SRCAP: variants seen among roughly 807,000 people sequenced by gnomAD.
The protein encoded by SRCAP is chromatin remodeling protein SRCAP.
A neutral mutation model predicts 263.1 loss-of-function variants in SRCAP; 46 were observed. That is an observed-to-expected ratio of 0.17 (90% CI 0.14 to 0.22). The LOEUF is 0.22. Among genes scored for constraint, SRCAP ranks in the 10% least tolerant of loss-of-function variants. SRCAP has a pLI of 1.00. For synonymous variants in SRCAP, 1,813 were observed against 1,662.1 expected (o/e 1.09, Z -2.21); for missense variants, 3,695 against 4,181.9 (o/e 0.88, Z 3.21).
In SRCAP at chr16:30,710,110, G is replaced by C. The variant is rs201361291; in HGVS notation, c.1116G>C (p.Glu372Asp). The C allele has an allele frequency of 1.2e-6, 2 of 1,613,854 alleles. No homozygotes were observed. Among genetic ancestry groups the C allele is most frequent in the Non-Finnish European group, 1.7e-6 (2 of 1,179,834 alleles). ...GGCCTGAAGAAGGTGCTGAAGAAGA[G>C]CCCCCTCAGGTGTTGGAGGTATAGG... ...RDGPEEGAEE[E>D]PPQVLEIKPP... Residue 372 changes from glutamate to aspartate, a missense_variant, in exon 8 of 34, where the codon GAG becomes GAC. Coordinates refer to ENST00000262518, the MANE Select transcript of SRCAP (RefSeq NM_006662.3).
At position 30,720,928 on chromosome 16, in the gene SRCAP, G is replaced by A; in HGVS notation, c.3203G>A (p.Gly1068Asp). The change falls in exon 20 of 34, where the codon GGC becomes GAC. Residue 1068 changes from glycine to aspartate, a missense_variant. Gly to Asp is a moderately conservative substitution (Grantham distance 94). Coordinates refer to ENST00000262518, the MANE Select transcript of SRCAP (RefSeq NM_006662.3). ...CTTATTCCTGCATCTCGGCCTCCTG[G>A]CCCTGTCCTCTTGCCTCCACTGCAG... The part of the protein sequence containing the change: ...PPLIPASRPP[G>D]PVLLPPLQPN... 2 of 1,613,784 alleles carry A rather than the reference G, an allele frequency of 1.2e-6. No homozygotes were observed. The highest frequency in any genetic ancestry group is 1.7e-6 in the Non-Finnish European group (2 of 1,179,812).
chr16:30,720,115 A>T lies in SRCAP; in HGVS notation c.2818-47A>T, dbSNP rs199849626. The T allele has an allele frequency of 8.1e-5, 127 of 1,577,370 alleles. No individual in the cohort carries two copies. In the African/African-American group the frequency reaches 1.7e-3, roughly 21 times the overall value. ...TCCAGCTACATCTGCGTTGCAAAGGATGTGATTTTGTTCTTCTTTATGACT... is the reference window on the plus strand; with the variant it reads ...TCCAGCTACATCTGCGTTGCAAAGGTTGTGATTTTGTTCTTCTTTATGACT... On this transcript the variant is annotated intron_variant, in intron 18 of 33. Transcript: ENST00000262518.
At chr16:30,721,932 T>C (rs1047751462) in intron 21 of SRCAP, among the ~76,000 whole-genome samples, 190 bp from the exon 22 acceptor site, 3 of 151,974 alleles carry the variant, frequency 2.0e-5, no homozygotes, top group African/African-American at 7.3e-5. Flanking sequence ...GCAAATGGGA[T>C]TGGAAGGAGT....
chr16:30,707,444 A>G, intron 5 of SRCAP, 76 bp downstream of exon 5: 1 of 1,603,578 alleles, frequency 6.2e-7, no homozygotes, highest in Non-Finnish European at 8.5e-7. Flanking sequence ...AGGGGACCAG[A>G]CAGAATGGTG....
chr16:30,722,773 A>G (rs779060153), intron 23 of SRCAP, 25 bp downstream of exon 23: 2 of 1,594,504 alleles, frequency 1.3e-6, no homozygotes, highest in Non-Finnish European at 1.7e-6. Context: ...CTTCCTACTT[A>G]GCCCTTGCTG....
rs1294754839 is a variant in SRCAP, at chr16:30,739,700, T to C, written c.9660T>C (p.Ala3220=). 1.3e-6 allele frequency: 2 copies of C among 1,517,044 alleles called. No individual in the cohort carries two copies. Among genetic ancestry groups the C allele is most frequent in the Non-Finnish European group, 1.8e-6 (2 of 1,134,042 alleles). 94.0% of individuals were successfully genotyped at this position (1,517,044 alleles called of 1,614,324 possible). A position where few individuals can be genotyped will look rare whatever the true frequency, so the allele number is the denominator to read the frequency against. The change falls in exon 34 of 34, where the codon GCT becomes GCC. Residue 3220 remains alanine (A), a synonymous_variant. Coordinates refer to ENST00000262518, the MANE Select transcript of SRCAP (RefSeq NM_006662.3). The part of the protein sequence containing the change: ...SSAPPSLAGP[A]VSHRGRKAKT ...CCCCTCCCTCCCTGGCTGGCCCTGC[T>C]GTTAGTCACAGAGGCCGCAAGGCCA...
chr16:30,717,732 C>T (rs984625258), intron 18 of SRCAP, among the ~76,000 whole-genome samples: 5 of 150,526 alleles, frequency 3.3e-5, no homozygotes, highest in Admixed American at 2.7e-4. Context: ...CCACAGCCTC[C>T]CGAGTAGCTG....
In SRCAP at chr16:30,720,167, A is replaced by G; in HGVS notation, c.2823A>G (p.Ile941Met). ...TGCTTTCTTTCTTGTGGCAGCGGAT[A>G]GACATGGGTCGATTTGACCTTATTG... ...RATDVHPLQRIDMGRFDLIGL... is the reference protein window; with the variant it reads ...RATDVHPLQRMDMGRFDLIGL... Residue 941 changes from isoleucine (I) to methionine (M), a missense_variant, in exon 19 of 34, where the codon ATA becomes ATG. Physicochemically the swap from Ile to Met is conservative, Grantham distance 10. Coordinates refer to ENST00000262518, the MANE Select transcript of SRCAP (RefSeq NM_006662.3). The G allele has an allele frequency of 3.1e-6, 5 of 1,604,134 alleles. No homozygotes were observed. In the Middle Eastern group the frequency reaches 5.0e-4, roughly 160 times the overall value.
rs763689685 is a variant in SRCAP, at chr16:30,722,664, A to G, written c.3808A>G (p.Thr1270Ala). ...IQAVAPTPGP[T>A]PVSVLPSSTP... ...GGCCGTGGCCCCGACCCCTGGCCCT[A>G]CCCCTGTCTCTGTGCTGCCTTCTTC... The change falls in exon 23 of 34, where the codon ACC becomes GCC. Residue 1270 changes from threonine (T) to alanine (A), a missense_variant. Physicochemically the swap from Thr to Ala is moderately conservative, Grantham distance 58. Coordinates refer to ENST00000262518, the MANE Select transcript of SRCAP (RefSeq NM_006662.3). The G allele has an allele frequency of 3.7e-6, 6 of 1,612,558 alleles. No homozygotes were observed. The highest frequency in any genetic ancestry group is 5.1e-6 in the Non-Finnish European group (6 of 1,179,684).
At position 30,739,009 on chromosome 16, in the gene SRCAP, C is replaced by G. The variant is rs1016777986; in HGVS notation, c.8969C>G (p.Ala2990Gly). The G allele has an allele frequency of 6.2e-7, 1 of 1,614,164 alleles. No homozygotes were observed. The highest frequency in any genetic ancestry group is 8.5e-7 in the Non-Finnish European group (1 of 1,180,000). The change falls in exon 34 of 34, where the codon GCC becomes GGC. Residue 2990 changes from alanine to glycine, a missense_variant. Ala to Gly is a moderately conservative substitution (Grantham distance 60, BLOSUM62 0). Transcript: ENST00000262518. ...CTAGTTTGTCCCACTGCTACTGTTG[C>G]CAACACTGTCACCACTGTCACCATT... ...PLLVCPTATV[A>G]NTVTTVTIST...
At position 30,739,767 on chromosome 16, in the gene SRCAP, G is replaced by C; in HGVS notation, c.*34G>C. The C allele has an allele frequency of 6.9e-7, 1 of 1,451,396 alleles. No individual in the cohort carries two copies. The highest frequency in any genetic ancestry group is 9.1e-7 in the Non-Finnish European group (1 of 1,100,210). The allele number at this position is 1,451,396 out of a possible 1,614,324, so 89.9% of individuals were successfully genotyped here. On this transcript the variant is annotated 3_prime_UTR_variant, in exon 34 of 34. Transcript: ENST00000262518. ...CCCCTCCACCTAGGCTTTCCACCGTGGCCACTCCCTCCATGACCAGGCCTG... is the reference window on the plus strand; with the variant it reads ...CCCCTCCACCTAGGCTTTCCACCGTCGCCACTCCCTCCATGACCAGGCCTG...
In SRCAP at chr16:30,724,571, T is replaced by G; in HGVS notation, c.5147T>G (p.Leu1716Trp). Residue 1716 changes from leucine (L) to tryptophan (W), a missense_variant, in exon 25 of 34, where the codon TTG (leucine) becomes TGG (tryptophan). By Grantham distance (61) the Leu-to-Trp change is moderately conservative. Transcript: ENST00000262518. ...CAGGGACCCTTTCCAACTCAGACATTGTCATTAACTCCAGCATCATCCCTG... is the reference window on the plus strand; with the variant it reads ...CAGGGACCCTTTCCAACTCAGACATGGTCATTAACTCCAGCATCATCCCTG... ...NPQGPFPTQT[L>W]SLTPASSLVP... 1 of 1,614,132 alleles carries G rather than the reference T, an allele frequency of 6.2e-7. No homozygotes were observed. The highest frequency in any genetic ancestry group is 1.1e-5 in the South Asian group (1 of 91,086).
Position 30,739,465 on chromosome 16 carries a change from G to T in SRCAP, c.9425G>T (p.Gly3142Val). The change falls in exon 34 of 34, where the codon GGG (glycine) becomes GTG (valine). Residue 3142 changes from glycine to valine, a missense_variant. Physicochemically the swap from Gly to Val is moderately radical, Grantham distance 109. This residue lies in a region of SRCAP where 1,207 missense variants were observed against 1,142.9 expected (regional missense o/e 1.06). Coordinates refer to ENST00000262518, the MANE Select transcript of SRCAP (RefSeq NM_006662.3). ...ETEKLPRKRA[G>V]APVGGSPGLA... ...GAGAAGTTGCCTCGCAAACGAGCAG[G>T]GGCCCCAGTTGGTGGGAGTCCTGGG... 2 of 1,614,128 alleles carry T rather than the reference G, an allele frequency of 1.2e-6. No homozygotes were observed. The highest frequency in any genetic ancestry group is 1.7e-5 in the Admixed American group (1 of 60,022).
rs746119945 is a variant in SRCAP at position 30,734,562 on chromosome 16, C to T, written c.6676C>T (p.Pro2226Ser). The change falls in exon 31 of 34, where the codon CCT (proline) becomes TCT (serine). Residue 2226 changes from proline to serine, a missense_variant. Physicochemically the swap from Pro to Ser is moderately conservative, Grantham distance 74. This residue lies in a region of SRCAP where 53 missense variants were observed against 45.6 expected (regional missense o/e 1.16). Coordinates refer to ENST00000262518, the MANE Select transcript of SRCAP (RefSeq NM_006662.3). ...EPSSSSVPSAPEEEEETVASK... is the reference protein window; with the variant it reads ...EPSSSSVPSASEEEEETVASK... The stretch of plus-strand genomic sequence containing the variant: ...TTCTAGCTCATCCGTGCCCTCTGCC[C>T]CTGAAGAGGAGGAAGAGACTGTGGC... The T allele has an allele frequency of 3.1e-6, 5 of 1,613,674 alleles. No individual in the cohort carries two copies. The South Asian group carries it at 4.4e-5, about 14-fold the overall frequency.
At chr16:30,727,975 C>T (rs1489413239) in intron 25 of SRCAP, among the ~76,000 whole-genome samples, 2 of 152,164 alleles carry the variant, frequency 1.3e-5, no homozygotes, top group African/African-American at 4.8e-5. Flanking sequence ...AGCCACTGCT[C>T]CTGGCCAGAT....
chr16:30,714,129 G>A (rs1043708181), intron 16 of SRCAP, among the ~76,000 whole-genome samples: 3 of 148,896 alleles, frequency 2.0e-5, no homozygotes, highest in African/African-American at 7.4e-5. Context: ...CAGTGGCGCG[G>A]TCTTGGCTCA....
At chr16:30,711,134 G>T (rs145213735) in intron 10 of SRCAP, 46 bp downstream of exon 10, 5 of 1,443,760 alleles carry the variant, frequency 3.5e-6, no homozygotes, top group Non-Finnish European at 3.9e-6. Context: ...TGGTGTCTGC[G>T]GTGTGCAGTA....
intron 31 of SRCAP, among the ~76,000 whole-genome samples, chr16:30,735,165 G>A (rs1364552067): frequency 1.7e-5 from 1 of 58,270 alleles, no homozygotes; most frequent in African/African-American, 7.8e-5. Flanking sequence ...TTTTTTTTTT[G>A]AGACGGAGTC....
chr16:30,709,727 A>G lies in SRCAP; in HGVS notation c.848A>G (p.Asp283Gly). The change falls in exon 7 of 34, where the codon GAT becomes GGT. Residue 283 changes from aspartate to glycine, a missense_variant. Coordinates refer to ENST00000262518, the MANE Select transcript of SRCAP (RefSeq NM_006662.3). ...SSPPPPASRL[D>G]DEDGDFQPQE... The stretch of plus-strand genomic sequence containing the variant: ...CCTCCACCCCCTGCTTCTCGCCTGG[A>G]TGATGAAGGTGTGTGTTCTCTTTGG... The G allele has an allele frequency of 6.2e-7, 1 of 1,614,018 alleles. No homozygotes were observed. The highest frequency in any genetic ancestry group is 8.5e-7 in the Non-Finnish European group (1 of 1,180,008).
Sources: allele counts gnomAD v4.1 joint callset (sites outside exome capture counted in the v4.1 genomes callset), GRCh38; gene constraint gnomAD v4.1.1; regional missense constraint gnomAD v4.1.1; transcripts MANE v1.5; gene names NCBI Gene and HGNC (gene_info 2026-07-23, HGNC 2026-07-21).